NCOA1: variants seen among roughly 807,000 people sequenced by gnomAD.
NCOA1 encodes the protein Hin-2 protein.
A neutral mutation model predicts 150.9 loss-of-function variants in NCOA1; 35 were observed. The observed-to-expected ratio is 0.23, with a 90% CI of 0.18 to 0.31. The LOEUF is 0.31. NCOA1 is among the 10% of genes least tolerant of loss of function. The probability of loss-of-function intolerance (pLI) is 1.00; values close to 1 mark genes in which losing one functional copy is unlikely to be tolerated. For synonymous variants in NCOA1, 590 were observed against 630.0 expected (o/e 0.94, Z 0.95); for missense variants, 1,491 against 1,749.3 (o/e 0.85, Z 2.63).
chr2:24,734,805 A>T (rs56320356), intron 17 of NCOA1, among the ~76,000 whole-genome samples: 21 of 75,554 alleles, frequency 2.8e-4, no homozygotes, highest in Non-Finnish European at 4.9e-4. Flanking sequence ...CCTTGTCTCT[A>T]AAAAAAAAAA....
chr2:24,683,159 C>T (rs747869750), intron 8 of NCOA1, 31 bp downstream of exon 8: 1 of 1,438,994 alleles, frequency 6.9e-7, no homozygotes, highest in Non-Finnish European at 9.3e-7. Flanking sequence ...AAAAAGAATA[C>T]TAGCTCTCTG....
intron 14 of NCOA1, among the ~76,000 whole-genome samples, chr2:24,726,346 G>T (rs903608731): frequency 6.6e-6 from 1 of 152,032 alleles, no homozygotes; most frequent in Non-Finnish European, 1.5e-5. Flanking sequence ...CTGGATAACA[G>T]TAACCTATGT....
chr2:24,628,823 C>CT (rs1669547279), intron 3 of NCOA1, among the ~76,000 whole-genome samples: 1 of 152,080 alleles, frequency 6.6e-6, no homozygotes, highest in African/African-American at 2.4e-5. Flanking sequence ...ATAGGAGAAA[C>CT]TTTTAGGAAA....
intron 17 of NCOA1, among the ~76,000 whole-genome samples, chr2:24,737,775 G>C (rs1663398521): frequency 6.6e-6 from 1 of 152,174 alleles, no homozygotes; most frequent in Admixed American, 6.5e-5. Context: ...TTTTACTGTT[G>C]TGCGTTGGCT....
chr2:24,656,118 A>T (rs943161239), intron 4 of NCOA1, among the ~76,000 whole-genome samples: 1 of 151,906 alleles, frequency 6.6e-6, no homozygotes, highest in East Asian at 1.9e-4. Flanking sequence ...AGGAAGAAGT[A>T]AAAACTGACA....
At chr2:24,710,724 T>G (rs1435156711) in intron 13 of NCOA1, among the ~76,000 whole-genome samples, 2 of 13,534 alleles carry the variant, frequency 1.5e-4, no homozygotes, top group Non-Finnish European at 1.4e-3. Flanking sequence ...ATGAATACTA[T>G]TATCAGAAGC....
chr2:24,494,346 G>A (rs1218739477), intron 1 of NCOA1, among the ~76,000 whole-genome samples: 1 of 152,114 alleles, frequency 6.6e-6, no homozygotes, highest in African/African-American at 2.4e-5. Context: ...TACTACCTCT[G>A]TTCCGTACTT....
At chr2:24,692,507 G>A (rs188464324) in intron 9 of NCOA1, among the ~76,000 whole-genome samples, 1 of 152,088 alleles carries the variant, frequency 6.6e-6, no homozygotes. Context: ...GTGCTTCAGA[G>A]TTAAAGGTTG....
chr2:24,586,145 G>A (rs527755748), intron 3 of NCOA1, among the ~76,000 whole-genome samples: 9 of 151,722 alleles, frequency 5.9e-5, no homozygotes, highest in African/African-American at 9.7e-5. Flanking sequence ...GCGTGGTGGC[G>A]GGCTCCTGTA....
chr2:24,602,459 C>T (rs1424786236), intron 3 of NCOA1, among the ~76,000 whole-genome samples: 3 of 152,242 alleles, frequency 2.0e-5, no homozygotes, highest in Admixed American at 6.5e-5. Context: ...CCTCAGCCTG[C>T]CTAAGTGCTG....
chr2:24,696,877 T>C (rs1237191351), intron 10 of NCOA1, among the ~76,000 whole-genome samples: 7 of 150,674 alleles, frequency 4.6e-5, no homozygotes, highest in African/African-American at 1.7e-4. Context: ...ATTCTTAATT[T>C]ATATATATAT....
chr2:24,729,630 A>G lies in NCOA1; in HGVS notation c.3016A>G (p.Ser1006Gly). 6.2e-7 allele frequency: 1 copy of G among 1,614,148 alleles called. No homozygotes were observed. Among genetic ancestry groups the G allele is most frequent in the East Asian group, 2.2e-5 (1 of 44,880 alleles). Residue 1006 changes from serine (S) to glycine (G), a missense_variant, in exon 17 of 23, where the codon AGC becomes GGC. By Grantham distance (56) the Ser-to-Gly change is moderately conservative. Coordinates refer to ENST00000348332, the MANE Select transcript of NCOA1 (RefSeq NM_003743.5). ...TCCTTCTCCTACTGCCAATCTCCCT[A>G]GCCCTTTCCAAGGCATGGTCAGGCA... ...SSPSPTANLPSPFQGMVRQKP... is the reference protein window; with the variant it reads ...SSPSPTANLPGPFQGMVRQKP...
intron 2 of NCOA1, among the ~76,000 whole-genome samples, chr2:24,576,422 C>A (rs544986373): frequency 6.6e-6 from 1 of 152,062 alleles, no homozygotes; most frequent in Non-Finnish European, 1.5e-5. Flanking sequence ...GCCCCATCTC[C>A]CTTCTTTACA....
intron 1 of NCOA1, among the ~76,000 whole-genome samples, chr2:24,498,695 A>G (rs1434998877): frequency 2.0e-5 from 3 of 152,174 alleles, no homozygotes; most frequent in Middle Eastern, 3.2e-3. Context: ...AGGGAAGCAT[A>G]TCGTCTAGGT....
At chr2:24,610,604 C>T (rs1422463067) in intron 3 of NCOA1, among the ~76,000 whole-genome samples, 2 of 151,816 alleles carry the variant, frequency 1.3e-5, no homozygotes, top group Non-Finnish European at 2.9e-5. Flanking sequence ...TTCTCTCGAG[C>T]TTTACTAGTA....
intron 8 of NCOA1, among the ~76,000 whole-genome samples, chr2:24,685,154 CCTT>C (rs952659500): frequency 9.2e-5 from 14 of 151,828 alleles, no homozygotes; most frequent in Non-Finnish European, 1.9e-4. Flanking sequence ...CAAAGCACTG[CCTT>C]CTTATTTTTT....
In NCOA1 at chr2:24,729,531, T is replaced by G. The variant is rs1182863471; in HGVS notation, c.2917T>G (p.Phe973Val). The change falls in exon 17 of 23, where the codon TTT (phenylalanine) becomes GTT (valine). Residue 973 changes from phenylalanine to valine, a missense_variant. Physicochemically the swap from Phe to Val is conservative, Grantham distance 50. This residue lies in a region of NCOA1 where 485 missense variants were observed against 522.8 expected (regional missense o/e 0.93). Transcript: ENST00000348332. Reference sequence around the variant, plus strand: ...TGGATTAGATGTATTATCAGAGAGATTTCCACCACAACAAGCAACGCCACC... The same window carrying G: ...TGGATTAGATGTATTATCAGAGAGAGTTCCACCACAACAAGCAACGCCACC... ...GGGLDVLSER[F>V]PPQQATPPLI... is the part of the protein sequence containing the mutation. 3.7e-6 allele frequency: 6 copies of G among 1,613,942 alleles called. No individual in the cohort carries two copies. In the African/African-American group the frequency reaches 8.0e-5, roughly 22 times the overall value.
At chr2:24,564,624 T>C (rs1000780890) in intron 2 of NCOA1, 194 bp downstream of exon 2, 4 of 152,186 alleles carry the variant, frequency 2.6e-5, no homozygotes, top group Non-Finnish European at 5.9e-5. Flanking sequence ...AGATTTTTTT[T>C]CCAAAAGCCT....
At chr2:24,520,707 G>A (rs1664382089) in intron 1 of NCOA1, among the ~76,000 whole-genome samples, 2 of 152,160 alleles carry the variant, frequency 1.3e-5, no homozygotes. Context: ...GTATACATGT[G>A]TCAAAATTTA....
Sources: gnomAD v4.1 joint callset for allele counts (sites outside exome capture counted in the v4.1 genomes callset) on GRCh38, gnomAD v4.1.1 for gene constraint, gnomAD v4.1.1 regional missense constraint, MANE v1.5 for transcripts, NCBI Gene and HGNC (gene_info 2026-07-23, HGNC 2026-07-21) for gene names.